DOCK2: variants seen among roughly 807,000 people sequenced by gnomAD.
The protein encoded by DOCK2 is dedicator of cytokinesis protein 2.
A neutral mutation model predicts 248.9 loss-of-function variants in DOCK2; 87 were observed. The ratio of observed to expected loss-of-function variants is 0.35; its 90% CI spans 0.29 to 0.42. The LOEUF (loss-of-function observed/expected upper bound fraction) is 0.42. DOCK2 is among the 10% of genes least tolerant of loss of function. The pLI is 1.00. For synonymous variants in DOCK2, 805 were observed against 821.6 expected (o/e 0.98, Z 0.35); for missense variants, 1,747 against 2,300.2 (o/e 0.76, Z 4.92).
chr5:169,836,161 T>G (rs748845848), intron 26 of DOCK2, among the ~76,000 whole-genome samples: 1 of 152,238 alleles, frequency 6.6e-6, no homozygotes, highest in Non-Finnish European at 1.5e-5. Context: ...ATCATTTGTG[T>G]AAAAGTAGAT....
chr5:170,041,022 C>T (rs1358855001), intron 36 of DOCK2, 33 bp from the exon 37 acceptor site: 2 of 1,595,968 alleles, frequency 1.3e-6, no homozygotes, highest in Non-Finnish European at 1.7e-6. Flanking sequence ...TTCACTGCAC[C>T]TGGTAGCTTA....
chr5:169,988,661 C>G (rs1408080870), intron 29 of DOCK2, among the ~76,000 whole-genome samples: 1 of 152,092 alleles, frequency 6.6e-6, no homozygotes, highest in Non-Finnish European at 1.5e-5. Flanking sequence ...TACAGGCATG[C>G]ACCACTATGC....
At chr5:170,009,398 G>T (rs1755197613) in intron 32 of DOCK2, among the ~76,000 whole-genome samples, 3 of 152,154 alleles carry the variant, frequency 2.0e-5, no homozygotes. Context: ...ACTCAGAAAA[G>T]GAAGTAACTT....
At chr5:169,716,970 A>G (rs1761946446) in intron 20 of DOCK2, among the ~76,000 whole-genome samples, 1 of 152,238 alleles carries the variant, frequency 6.6e-6, no homozygotes, top group African/African-American at 2.4e-5. Flanking sequence ...GTGCTTCCCC[A>G]GAGAGTACCC....
Position 170,077,087 on chromosome 5 carries a change from A to G in DOCK2, c.4867-623A>G, listed in dbSNP as rs150260636. Reference sequence around the variant, plus strand: ...GATACTTATGATTTCAGTTTATGATACAAATCAAGACCAGCCAGGTAAAGA... The same window carrying G: ...GATACTTATGATTTCAGTTTATGATGCAAATCAAGACCAGCCAGGTAAAGA... On this transcript the variant is annotated intron_variant, in intron 47 of 51. Transcript: ENST00000520908. Among the ~76,000 whole-genome samples the G allele has an allele frequency of 2.2e-3, 331 of 152,354 alleles. 4 individuals carry two copies. The South Asian group carries it at 0.022, about 10-fold the overall frequency.
chr5:169,944,100 T>A (rs1441865591), intron 27 of DOCK2, among the ~76,000 whole-genome samples: 1 of 152,168 alleles, frequency 6.6e-6, no homozygotes, highest in African/African-American at 2.4e-5. Flanking sequence ...ATTATGTCAT[T>A]TAACACTAAC....
intron 44 of DOCK2, among the ~76,000 whole-genome samples, chr5:170,064,289 C>T (rs566454905): frequency 8.6e-5 from 13 of 151,692 alleles, no homozygotes; most frequent in Non-Finnish European, 1.5e-4. Context: ...CTCCAGAAAC[C>T]GAAATGTGTG....
chr5:169,852,908 A>G (rs759910433), intron 27 of DOCK2, among the ~76,000 whole-genome samples: 8 of 152,216 alleles, frequency 5.3e-5, no homozygotes, highest in Non-Finnish European at 1.2e-4. Flanking sequence ...GAGAAATCCT[A>G]TCATGAGTGT....
rs763252722 is a variant in DOCK2, at chr5:170,042,109, A to T, written c.3853A>T (p.Ile1285Leu). The change falls in exon 38 of 52, where the codon ATA (isoleucine) becomes TTA (leucine). Residue 1285 changes from isoleucine (I) to leucine (L), a missense_variant. Physicochemically the swap from Ile to Leu is conservative, Grantham distance 5. Transcript: ENST00000520908. ...GAAGGAGACGCTCTACGAGACCATC[A>T]TAGGCTACTTTGACAAAGGAAAGGT... ...QLKETLYETI[I>L]GYFDKGKMWE... The T allele has an allele frequency of 8.7e-6, 14 of 1,612,806 alleles. No individual in the cohort carries two copies. Among genetic ancestry groups the T allele is most frequent in the Non-Finnish European group, 1.0e-5 (12 of 1,179,382 alleles).
intron 6 of DOCK2, among the ~76,000 whole-genome samples, chr5:169,677,698 G>A (rs1759411058): frequency 2.6e-5 from 4 of 152,172 alleles, no homozygotes; most frequent in Non-Finnish European, 5.9e-5. Flanking sequence ...TAACCAGTGA[G>A]GTTCTCCTTT....
chr5:169,972,563 AGATAGATAGATAGATAGATAGAT>A (rs1201802515), intron 27 of DOCK2, among the ~76,000 whole-genome samples: 2 of 59,020 alleles, frequency 3.4e-5, no homozygotes, highest in Non-Finnish European at 7.6e-5. Context: ...ATAGATAGAT[AGATAGATAGATAGATAGATAGAT>A]GATAGATAGA....
rs547050251 is a variant in DOCK2 at position 169,788,544 on chromosome 5, T to C, written c.2555-14514T>C. Among the ~76,000 whole-genome samples, 3 of 152,348 alleles carry C rather than the reference T, an allele frequency of 2.0e-5. No individual in the cohort carries two copies. In the South Asian group the frequency reaches 6.2e-4, roughly 32 times the overall value. ...AAGAATTTCGTGCCAGAAAAAGCTA[T>C]GGTTCCTGCAAGGAATTTGTCCTCT... On this transcript the variant is annotated intron_variant, in intron 25 of 51. Transcript: ENST00000520908.
chr5:169,989,457 C>T (rs547496823), intron 29 of DOCK2, among the ~76,000 whole-genome samples: 1 of 152,322 alleles, frequency 6.6e-6, no homozygotes, highest in Non-Finnish European at 1.5e-5. Flanking sequence ...ATGCAGCCAA[C>T]CACCAAATAT....
At chr5:169,852,110 G>A (rs1770649877) in intron 27 of DOCK2, among the ~76,000 whole-genome samples, 1 of 152,130 alleles carries the variant, frequency 6.6e-6, no homozygotes, top group Admixed American at 6.5e-5. Context: ...ATAGAGTTTG[G>A]AAATTGTTCA....
At chr5:169,700,202 CA>C in intron 13 of DOCK2, 63 bp downstream of exon 13, 1 of 1,561,668 alleles carries the variant, frequency 6.4e-7, no homozygotes, top group South Asian at 1.2e-5. Context: ...TTGTCTAATT[CA>C]TTTTCCTTCT....
At chr5:170,006,613 C>T (rs1370739550) in intron 30 of DOCK2, among the ~76,000 whole-genome samples, 6 of 152,160 alleles carry the variant, frequency 3.9e-5, no homozygotes, top group Admixed American at 1.3e-4. Context: ...GCCAAGAGGC[C>T]ACTTCACTGA....
intron 27 of DOCK2, among the ~76,000 whole-genome samples, chr5:169,862,561 C>T (rs994163019): frequency 1.3e-5 from 2 of 152,154 alleles, no homozygotes; most frequent in Non-Finnish European, 2.9e-5. Context: ...TGAAATGTGG[C>T]TTCTTAAGTA....
Position 170,057,618 on chromosome 5 carries a change from C to T in DOCK2, c.4419C>T (p.Tyr1473=), listed in dbSNP as rs762812003. The T allele has an allele frequency of 6.8e-6, 11 of 1,614,110 alleles. No homozygotes were observed. The Admixed American group carries it at 1.8e-4, about 27-fold the overall frequency. ...WIERTSFVTA[Y]KLPGILRWFE... ...AGAGAACCTCCTTCGTGACTGCATA[C>T]AAGCTGCCGGGGATCCTGCGCTGGT... Residue 1473 remains tyrosine, a synonymous_variant, in exon 44 of 52, where the codon TAC becomes TAT. Transcript: ENST00000520908.
intron 42 of DOCK2, among the ~76,000 whole-genome samples, chr5:170,056,168 T>C (rs17738692): frequency 0.5 from 76,386 of 152,016 alleles, 21,654 homozygotes; most frequent in African/African-American, 0.77. Context: ...GCTTGGGTCT[T>C]AACCTCCCCT....
Sources: gnomAD v4.1 joint callset for allele counts (sites outside exome capture counted in the v4.1 genomes callset) on GRCh38, gnomAD v4.1.1 for gene constraint, MANE v1.5 for transcripts, NCBI Gene and HGNC (gene_info 2026-07-23, HGNC 2026-07-21) for gene names.